The following ANKRD26 variants were observed in gnomAD, a reference collection of about 807,000 sequenced individuals.
ANKRD26 encodes ankyrin repeat domain-containing protein 26.
A neutral mutation model predicts 208.7 loss-of-function variants in ANKRD26; 141 were observed. The ratio of observed to expected loss-of-function variants is 0.68; its 90% CI spans 0.59 to 0.78. The LOEUF (loss-of-function observed/expected upper bound fraction) is 0.78, where lower values mean the gene tolerates loss of function less well. ANKRD26 is among the 30% of genes least tolerant of loss of function. ANKRD26 has a pLI of 0.00. For missense variants in ANKRD26, 1,889 were observed against 1,938.7 expected (o/e 0.97, Z 0.48); for synonymous variants, 636 against 660.4 (o/e 0.96, Z 0.57).
rs201997084 is a variant in ANKRD26 at position 27,029,347 on chromosome 10, C to T, written c.3817G>A (p.Ala1273Thr). The T allele has an allele frequency of 3.1e-6, 5 of 1,611,880 alleles. No individual in the cohort carries two copies. Among genetic ancestry groups the T allele is most frequent in the African/African-American group, 1.3e-5 (1 of 75,026 alleles). ...LGQIRNQLQE[A>T]QDRHTEAVRC... ...ACAGCTTCTGTATGTCGATCCTGTG[C>T]TTCTTGCAACTAAAACAAAGAATAA... The change falls in exon 26 of 34, where the codon GCA (alanine) becomes ACA (threonine). Residue 1273 changes from alanine (A) to threonine (T), a missense_variant. Physicochemically the swap from Ala to Thr is moderately conservative, Grantham distance 58. Transcript: ENST00000376087.
intron 12 of ANKRD26, chr10:27,062,406 G>T: frequency 5.0e-6 from 1 of 200,914 alleles, no homozygotes; most frequent in Non-Finnish European, 8.9e-6. Flanking sequence ...GTGGTCCAAG[G>T]ACCAGAAGCA....
intron 5 of ANKRD26, among the ~76,000 whole-genome samples, chr10:26,992,237 G>C (rs1391387685): frequency 6.6e-6 from 1 of 152,022 alleles, no homozygotes; most frequent in East Asian, 1.9e-4. Flanking sequence ...GAGGTCCCAA[G>C]ATTTCTTTTC....
chr10:27,083,001 G>GA lies in ANKRD26; in HGVS notation c.710-169dup, dbSNP rs577391615. On this transcript the variant is annotated intron_variant, in intron 5 of 33. Transcript: ENST00000376087. ...ATATTCCATTATACTCACATGTATA[G>GA]AAAAAAGTTAATCTTCCCTGCAGAC... Among the ~76,000 whole-genome samples the GA allele has an allele frequency of 2.3e-3, 351 of 152,128 alleles. 2 individuals carry two copies. The highest frequency in any genetic ancestry group is 7.7e-3 in the African/African-American group (319 of 41,504).
chr10:26,998,858 G>A (rs145727055), intron 4 of ANKRD26, among the ~76,000 whole-genome samples: 261 of 152,292 alleles, frequency 1.7e-3, no homozygotes, highest in African/African-American at 5.8e-3. Flanking sequence ...AGCAGTCGAG[G>A]AGGGGAAGAT....
In ANKRD26 at chr10:27,086,780, T is replaced by TTTG. The variant is rs2056136209; in HGVS notation, c.639-172_639-171insCAA. 1.1e-4 allele frequency among the ~76,000 whole-genome samples: 16 copies of TTTG among 144,194 alleles called. No individual in the cohort carries two copies. The South Asian group carries it at 3.4e-3, about 31-fold the overall frequency. The allele number at this position is 144,194 out of a possible 152,430, so 94.6% of individuals were successfully genotyped here. On this transcript the variant is annotated intron_variant, in intron 4 of 33. Transcript: ENST00000376087. ...TACAAACTTTTTTGTTTTTTTTTTT[T>TTTG]TTTTTTTTTGAGACAGAGTCTTACT...
At chr10:26,954,552 C>T in the ANKRD26 span, among the ~76,000 whole-genome samples, 1 of 151,754 alleles carries the variant, frequency 6.6e-6, no homozygotes, top group Non-Finnish European at 1.5e-5. Flanking sequence ...AAAAAAAAAT[C>T]CTGCTAGCGT....
chr10:27,012,803 C>T (rs1349504443), intron 32 of ANKRD26, 79 bp downstream of exon 32: 23 of 1,402,766 alleles, frequency 1.6e-5, no homozygotes, highest in South Asian at 2.3e-5. Context: ...CAGAGTAAAA[C>T]GCTGTCTCAA....
intron 15 of ANKRD26, among the ~76,000 whole-genome samples, chr10:27,054,455 T>G (rs7080612): frequency 0.64 from 97,445 of 151,874 alleles, 32,049 homozygotes; most frequent in South Asian, 0.72. Context: ...CGTGGTGGTG[T>G]GTGCCTGTGA....
chr10:27,078,302 A>G (rs890996996), intron 7 of ANKRD26, among the ~76,000 whole-genome samples: 8 of 152,362 alleles, frequency 5.3e-5, no homozygotes, highest in Admixed American at 4.6e-4. Context: ...AAAGCCACAC[A>G]TAACTACATA....
intron 18 of ANKRD26, 181 bp downstream of exon 18, chr10:27,046,172 C>T: frequency 1.5e-6 from 1 of 672,482 alleles, no homozygotes; most frequent in Non-Finnish European, 2.5e-6. Context: ...ATAGTCAGGG[C>T]TCCATGGTGA....
At position 27,100,277 on chromosome 10, in the gene ANKRD26, G is replaced by C; in HGVS notation, c.50C>G (p.Ala17Gly). The C allele has an allele frequency of 5.0e-6, 8 of 1,610,026 alleles. No individual in the cohort carries two copies. The highest frequency in any genetic ancestry group is 6.8e-6 in the Non-Finnish European group (8 of 1,179,232). The change falls in exon 1 of 34, where the codon GCG (alanine) becomes GGG (glycine). Residue 17 changes from alanine to glycine, a missense_variant. This residue lies in a region of ANKRD26 where 1,272 missense variants were observed against 1,273.8 expected (regional missense o/e 1.00). Transcript: ENST00000376087. Reference protein sequence around the residue: ...KKGESPLGSFARRQRSSAGGG... With the variant: ...KKGESPLGSFGRRQRSSAGGG... ...TCCCGCGCTGCTCCTCTGCCGCCGCGCGAAGGAGCCCAAGGGCGACTCGCC... is the reference window on the plus strand; with the variant it reads ...TCCCGCGCTGCTCCTCTGCCGCCGCCCGAAGGAGCCCAAGGGCGACTCGCC...
At chr10:27,086,821 G>C (rs2056140258) in intron 4 of ANKRD26, among the ~76,000 whole-genome samples, 1 of 139,812 alleles carries the variant, frequency 7.2e-6, no homozygotes, top group Non-Finnish European at 1.5e-5. Context: ...ACCCAGGCTG[G>C]AGTACAGTGG....
At chr10:26,977,068 G>A (rs1208083457) in intron 5 of ANKRD26, among the ~76,000 whole-genome samples, 1 of 152,144 alleles carries the variant, frequency 6.6e-6, no homozygotes, top group Non-Finnish European at 1.5e-5. Flanking sequence ...GATGCTTCAA[G>A]CAATAGATTT....
the ANKRD26 span, among the ~76,000 whole-genome samples, chr10:26,968,697 G>C: frequency 6.6e-6 from 1 of 152,168 alleles, no homozygotes; most frequent in Non-Finnish European, 1.5e-5. Flanking sequence ...TGAGTTTCTT[G>C]GTAACTTGAT....
At chr10:27,060,952 T>A (rs1411524777) in intron 13 of ANKRD26, among the ~76,000 whole-genome samples, 192 bp downstream of exon 13, 1 of 152,218 alleles carries the variant, frequency 6.6e-6, no homozygotes, top group African/African-American at 2.4e-5. Flanking sequence ...ATCAGAATCA[T>A]TTATACCATT....
chr10:27,079,247 C>T, intron 6 of ANKRD26, 86 bp from the exon 7 acceptor site: 1 of 1,172,796 alleles, frequency 8.5e-7, no homozygotes, highest in Non-Finnish European at 1.3e-6. Flanking sequence ...AATCTGGATG[C>T]CCCCTCCAAA....
At chr10:26,997,827 C>A (rs979239105) in intron 4 of ANKRD26, among the ~76,000 whole-genome samples, 25 of 152,190 alleles carry the variant, frequency 1.6e-4, no homozygotes, top group Non-Finnish European at 4.4e-5. Context: ...CTTTCAACCC[C>A]CACATCCTCA....
chr10:27,087,009 T>C (rs2056147100), intron 4 of ANKRD26, among the ~76,000 whole-genome samples: 1 of 152,084 alleles, frequency 6.6e-6, no homozygotes, highest in Non-Finnish European at 1.5e-5. Flanking sequence ...CCTGACCTCA[T>C]GATTTGCCTG....
intron 7 of ANKRD26, among the ~76,000 whole-genome samples, chr10:27,078,416 A>G (rs1357430704): frequency 1.3e-5 from 2 of 152,184 alleles, no homozygotes; most frequent in African/African-American, 4.8e-5. Flanking sequence ...GGCTGAGATA[A>G]ATCATTTTTA....
Sources: allele counts gnomAD v4.1 joint callset (sites outside exome capture counted in the v4.1 genomes callset), GRCh38; gene constraint gnomAD v4.1.1; regional missense constraint gnomAD v4.1.1; transcripts MANE v1.5; gene names NCBI Gene and HGNC (gene_info 2026-07-23, HGNC 2026-07-21).